The following SLC39A12 variants were observed in gnomAD, a reference collection of about 807,000 sequenced individuals.
The protein encoded by SLC39A12 is zinc transporter ZIP12.
Under a neutral mutation model 71.1 loss-of-function variants are expected in SLC39A12, and 63 were observed. The ratio of observed to expected loss-of-function variants is 0.89; its 90% confidence interval spans 0.72 to 1.09. SLC39A12 has a LOEUF of 1.09. Among genes scored for constraint, SLC39A12 ranks in the 50% least tolerant of loss-of-function variants. SLC39A12 has a pLI of 0.00. For synonymous variants in SLC39A12, 351 were observed against 301.3 expected, an observed-to-expected ratio of 1.16 and a Z score of -1.71; for missense variants, 892 against 812.6, an observed-to-expected ratio of 1.10 and a Z score of -1.19.
Position 17,993,079 on chromosome 10 carries a change from A to G in SLC39A12, c.1423-102A>G, listed in dbSNP as rs1300309828. ...ATCCCAGTTCTCTTTTGTGGCAACT[A>G]CCATTTTGGCCAATAGGCAATGGAA... On this transcript the variant is annotated intron_variant, in intron 8 of 12. Transcript: ENST00000377369. 4 of 695,234 alleles carry G rather than the reference A, an allele frequency of 5.8e-6. No homozygotes were observed. The Admixed American group carries it at 9.8e-5, about 17-fold the overall frequency. The allele number at this position is 695,234 out of a possible 1,614,324, so 43.1% of individuals were successfully genotyped here. A position where few individuals can be genotyped will look rare whatever the true frequency, so the allele number is the denominator to read the frequency against.
In SLC39A12 at chr10:18,003,331, G is replaced by A. The variant is rs1382419502; in HGVS notation, c.1920G>A (p.Met640Ile). ...QDWIFTVTAG[M>I]FLYLSLVEML... ...GGATCTTCACAGTCACTGCTGGGAT[G>A]TTCTTATATTTATCCTTGGTTGAAA... Residue 640 changes from methionine to isoleucine, a missense_variant, in exon 12 of 13, where the codon ATG (methionine) becomes ATA (isoleucine). Physicochemically the swap from Met to Ile is conservative, Grantham distance 10. Transcript: ENST00000377369. 1.9e-6 allele frequency: 3 copies of A among 1,609,686 alleles called. No individual in the cohort carries two copies. Among genetic ancestry groups the A allele is most frequent in the Admixed American group, 3.4e-5 (2 of 59,408 alleles).
At chr10:17,993,782 A>G (rs756447785) in intron 9 of SLC39A12, among the ~76,000 whole-genome samples, 13 of 152,236 alleles carry the variant, frequency 8.5e-5, no homozygotes, top group Non-Finnish European at 1.8e-4. Flanking sequence ...TTCCACAACA[A>G]AATCTTCTAT....
intron 10 of SLC39A12, among the ~76,000 whole-genome samples, chr10:17,997,448 A>G (rs1291291867): frequency 6.6e-6 from 1 of 152,196 alleles, no homozygotes; most frequent in Admixed American, 6.5e-5. Flanking sequence ...TTTAGTTCCA[A>G]GAGTAATTTT....
At chr10:17,999,383 A>G (rs955172215) in intron 10 of SLC39A12, among the ~76,000 whole-genome samples, 1 of 151,954 alleles carries the variant, frequency 6.6e-6, no homozygotes, top group Non-Finnish European at 1.5e-5. Context: ...CACACAATAT[A>G]TATGCAACTG....
rs77156602 is a variant in SLC39A12, at chr10:17,965,944, G to T, written c.751+254G>T. ...TGGAATTGTGGATGTAAAGGGAGGA[G>T]GCGATTTTATGATCTGCCATAAATA... On this transcript the variant is annotated intron_variant, in intron 4 of 12. Transcript: ENST00000377369. Among the ~76,000 whole-genome samples, 20 of 152,314 alleles carry T rather than the reference G, an allele frequency of 1.3e-4. 1 individual carries two copies. In the East Asian group the frequency reaches 3.9e-3, roughly 29 times the overall value.
chr10:17,976,480 C>A (rs1835112502), intron 4 of SLC39A12, among the ~76,000 whole-genome samples: 1 of 152,288 alleles, frequency 6.6e-6, no homozygotes, highest in East Asian at 1.9e-4. Flanking sequence ...TGCAGTGGCG[C>A]CATCTCAGCT....
chr10:18,018,499 A>G (rs1836445183), intron 12 of SLC39A12, among the ~76,000 whole-genome samples: 1 of 152,078 alleles, frequency 6.6e-6, no homozygotes, highest in Non-Finnish European at 1.5e-5. Flanking sequence ...ACCATTAGGT[A>G]TATTTTAGCT....
intron 3 of SLC39A12, among the ~76,000 whole-genome samples, chr10:17,964,321 C>T (rs1015989364): frequency 5.9e-5 from 9 of 152,350 alleles, no homozygotes; most frequent in Non-Finnish European, 1.2e-4. Context: ...CCACTCTGCT[C>T]TGGACCATGG....
At position 18,027,382 on chromosome 10, in the gene SLC39A12, C is replaced by T. The variant is rs539395761; in HGVS notation, c.1948-15323C>T. Among the ~76,000 whole-genome samples the T allele has an allele frequency of 3.3e-5, 5 of 152,334 alleles. No individual in the cohort carries two copies. In the South Asian group the frequency reaches 6.2e-4, roughly 19 times the overall value. ...TAACCAGTTTCCCCTGAGGGAAGATCTTGTTAAGAGCAGAATGCTCTGGTA... is the reference window on the plus strand; with the variant it reads ...TAACCAGTTTCCCCTGAGGGAAGATTTTGTTAAGAGCAGAATGCTCTGGTA... On this transcript the variant is annotated intron_variant, in intron 12 of 12. Coordinates refer to ENST00000377369, the MANE Select transcript of SLC39A12 (RefSeq NM_001145195.2).
At chr10:18,010,532 C>T (rs1036307846) in intron 12 of SLC39A12, 7 of 152,146 alleles carry the variant, frequency 4.6e-5, no homozygotes, top group African/African-American at 1.7e-4. Flanking sequence ...TTCTTACCCA[C>T]AAATTTGAAA....
intron 9 of SLC39A12, among the ~76,000 whole-genome samples, chr10:17,995,264 A>C (rs765831527): frequency 2.1e-4 from 32 of 152,192 alleles, no homozygotes; most frequent in Admixed American, 5.2e-4. Flanking sequence ...CACAGGTTAG[A>C]GGATGGATCT....
chr10:18,025,164 C>T (rs1836641159), intron 12 of SLC39A12, among the ~76,000 whole-genome samples: 1 of 151,994 alleles, frequency 6.6e-6, no homozygotes, highest in Non-Finnish European at 1.5e-5. Flanking sequence ...TCTCTTTTGT[C>T]TTTCACATTT....
At chr10:18,026,553 A>T (rs1836683392) in intron 12 of SLC39A12, among the ~76,000 whole-genome samples, 1 of 152,080 alleles carries the variant, frequency 6.6e-6, no homozygotes, top group Non-Finnish European at 1.5e-5. Flanking sequence ...TGAGCTTCCT[A>T]TACCTATAAT....
intron 12 of SLC39A12, among the ~76,000 whole-genome samples, chr10:18,020,756 T>C (rs149457240): frequency 1.3e-5 from 2 of 152,176 alleles, no homozygotes; most frequent in African/African-American, 2.4e-5. Flanking sequence ...TTGTTGGCCA[T>C]GTGTATGTCA....
intron 12 of SLC39A12, among the ~76,000 whole-genome samples, chr10:18,024,972 C>T (rs1303154226): frequency 1.3e-5 from 2 of 151,900 alleles, no homozygotes; most frequent in Non-Finnish European, 2.9e-5. Context: ...TCTATATTTT[C>T]TTTTTATTTA....
chr10:17,991,024 G>A, intron 7 of SLC39A12, 127 bp from the exon 8 acceptor site: 6 of 957,316 alleles, frequency 6.3e-6, no homozygotes, highest in Non-Finnish European at 8.7e-6. Context: ...TGTATTAATA[G>A]TTGTCACGGC....
intron 6 of SLC39A12, among the ~76,000 whole-genome samples, chr10:17,983,846 G>A (rs1032778122): frequency 2.0e-5 from 3 of 152,074 alleles, no homozygotes; most frequent in African/African-American, 7.2e-5. Flanking sequence ...GTTGCATTAT[G>A]TGAATAGGGA....
At chr10:17,962,794 A>G (rs1220418278) in intron 3 of SLC39A12, among the ~76,000 whole-genome samples, 1 of 152,164 alleles carries the variant, frequency 6.6e-6, no homozygotes, top group African/African-American at 2.4e-5. Flanking sequence ...TGACTTTCAC[A>G]TCTGTAGCTC....
intron 2 of SLC39A12, 26 bp from the exon 3 acceptor site, chr10:17,961,555 G>C (rs1834689103): frequency 1.3e-6 from 2 of 1,584,132 alleles, no homozygotes; most frequent in South Asian, 2.4e-5. Flanking sequence ...TGTTTCTTTT[G>C]TTGTTGTTAT....
Sources: gnomAD v4.1 joint callset for allele counts (sites outside exome capture counted in the v4.1 genomes callset) on GRCh38, gnomAD v4.1.1 for gene constraint, MANE v1.5 for transcripts, NCBI Gene and HGNC (gene_info 2026-07-23, HGNC 2026-07-21) for gene names.